The following PTPRN2 variants were observed in gnomAD, a reference collection of about 807,000 sequenced individuals.
PTPRN2 encodes receptor-type tyrosine-protein phosphatase N2.
PTPRN2 carries 74 observed loss-of-function variants against 118.8 expected under a neutral mutation model. That is an observed-to-expected ratio of 0.62 (90% CI 0.52 to 0.76). The LOEUF (loss-of-function observed/expected upper bound fraction) is 0.76. Ranked by LOEUF, PTPRN2 falls within the 30% of genes least tolerant of loss-of-function variation. The pLI is 0.00. For missense variants in PTPRN2, 1,481 were observed against 1,394.4 expected (o/e 1.06, Z -0.99); for synonymous variants, 641 against 608.0 (o/e 1.05, Z -0.80).
At chr7:157,646,080 G>A (rs1364582692) in intron 14 of PTPRN2, among the ~76,000 whole-genome samples, 1 of 152,216 alleles carries the variant, frequency 6.6e-6, no homozygotes, top group Admixed American at 6.5e-5. Flanking sequence ...CAGAACCAGG[G>A]ATCCTGCTGA....
intron 12 of PTPRN2, among the ~76,000 whole-genome samples, chr7:157,718,993 C>T (rs1799089241): frequency 8.7e-6 from 1 of 114,906 alleles, no homozygotes; most frequent in Admixed American, 8.8e-5. Context: ...CAGCCATCTT[C>T]TGGACCTCTC....
chr7:158,187,904 T>C (rs958860561), intron 5 of PTPRN2, among the ~76,000 whole-genome samples: 1 of 152,110 alleles, frequency 6.6e-6, no homozygotes, highest in Non-Finnish European at 1.5e-5. Context: ...GCCAAACTTA[T>C]CAGAAGGTGG....
intron 11 of PTPRN2, among the ~76,000 whole-genome samples, chr7:157,992,809 TAAG>T (rs928811921): frequency 4.6e-5 from 7 of 152,210 alleles, no homozygotes; most frequent in East Asian, 1.9e-4. Flanking sequence ...CGCCTAAATC[TAAG>T]AAGAAGTATG....
intron 6 of PTPRN2, among the ~76,000 whole-genome samples, chr7:158,139,839 T>C (rs1007257941): frequency 6.6e-6 from 1 of 152,180 alleles, no homozygotes; most frequent in African/African-American, 2.4e-5. Flanking sequence ...GAATGCCACA[T>C]TTGAAGGGTT....
At chr7:157,639,698 A>C (rs995517598) in intron 14 of PTPRN2, among the ~76,000 whole-genome samples, 5 of 152,250 alleles carry the variant, frequency 3.3e-5, no homozygotes, top group Non-Finnish European at 5.9e-5. Flanking sequence ...TTTGCTGCCC[A>C]TGTGGGGCCA....
At chr7:158,119,614 G>GAGAGAGAGAGAGA (rs1563460397) in intron 9 of PTPRN2, among the ~76,000 whole-genome samples, 48 of 147,092 alleles carry the variant, frequency 3.3e-4, no homozygotes, top group African/African-American at 1.2e-3. Flanking sequence ...TTTGAAAGAG[G>GAGAGAGAGAGAGA]GAGAGAGAGA....
At position 157,953,977 on chromosome 7, in the gene PTPRN2, G is replaced by T. The variant is rs9654710; in HGVS notation, c.1724-55240C>A. Reference sequence around the variant, plus strand: ...TTCCACAGAACTCTCTGGAAAGGCCGTTCCAAGAGCTTCAGGTGTTCAGGT... The same window carrying T: ...TTCCACAGAACTCTCTGGAAAGGCCTTTCCAAGAGCTTCAGGTGTTCAGGT... On this transcript the variant is annotated intron_variant, in intron 11 of 22. Transcript: ENST00000389418. This position sits in a 1 kb window ranked among gnomAD's most constrained non-coding sequence, Gnocchi z 4.6. Among the ~76,000 whole-genome samples the T allele has an allele frequency of 1.3e-5, 2 of 151,798 alleles. No homozygotes were observed. Among genetic ancestry groups the T allele is most frequent in the African/African-American group, 4.8e-5 (2 of 41,406 alleles).
intron 2 of PTPRN2, among the ~76,000 whole-genome samples, chr7:158,379,130 C>T (rs1053480458): frequency 6.6e-6 from 1 of 152,118 alleles, no homozygotes; most frequent in Non-Finnish European, 1.5e-5. Context: ...GTGGGAGAGC[C>T]CCCAGAGTGG....
chr7:157,613,939 C>A (rs1802572371), intron 15 of PTPRN2: 3 of 450,744 alleles, frequency 6.7e-6, no homozygotes, highest in Non-Finnish European at 1.4e-5. Context: ...GCCACATGGC[C>A]AGGGGCGACC....
At chr7:158,330,445 G>C (rs1259087780) in intron 2 of PTPRN2, among the ~76,000 whole-genome samples, 39 of 97,694 alleles carry the variant, frequency 4.0e-4, no homozygotes, top group African/African-American at 1.4e-3. Context: ...CATAAGAGCT[G>C]ACACCCGCAG....
intron 1 of PTPRN2, among the ~76,000 whole-genome samples, chr7:158,578,552 T>G (rs1479458660): frequency 1.4e-5 from 1 of 69,768 alleles, no homozygotes; most frequent in Non-Finnish European, 3.1e-5. Context: ...AAAAAAAAAA[T>G]CATAGATTCA....
chr7:158,420,267 C>T (rs866783962), intron 2 of PTPRN2, among the ~76,000 whole-genome samples: 7 of 152,296 alleles, frequency 4.6e-5, no homozygotes, highest in African/African-American at 1.7e-4. Flanking sequence ...TGCCCACCCG[C>T]GAAAAGGCCC....
intron 6 of PTPRN2, among the ~76,000 whole-genome samples, chr7:158,145,347 C>T (rs1272033646): frequency 6.6e-6 from 1 of 151,988 alleles, no homozygotes; most frequent in Non-Finnish European, 1.5e-5. Flanking sequence ...CAGAATACCA[C>T]GGCTTGGCAA....
chr7:158,390,340 G>A (rs924665060), intron 2 of PTPRN2, among the ~76,000 whole-genome samples: 1 of 152,220 alleles, frequency 6.6e-6, no homozygotes, highest in African/African-American at 2.4e-5. Context: ...TGCAGCGAGT[G>A]GCACTAAGTC....
intron 11 of PTPRN2, among the ~76,000 whole-genome samples, chr7:158,074,329 C>T (rs552407613): frequency 6.6e-6 from 1 of 152,286 alleles, no homozygotes; most frequent in South Asian, 2.1e-4. Flanking sequence ...CCCTCGGCAG[C>T]TTCCCAGGCA....
chr7:158,540,295 C>T (rs1396085356), intron 1 of PTPRN2, among the ~76,000 whole-genome samples: 6 of 152,182 alleles, frequency 3.9e-5, no homozygotes, highest in Admixed American at 6.5e-5. Flanking sequence ...GTCTCCTGCC[C>T]AGAAGTCACT....
At chr7:158,455,919 ACGC>A in intron 2 of PTPRN2, among the ~76,000 whole-genome samples, 4 of 146,914 alleles carry the variant, frequency 2.7e-5, no homozygotes, top group East Asian at 2.0e-4. Context: ...AACAGCATGG[ACGC>A]CATTGGCCAT....
At chr7:158,539,164 C>A (rs1164619939) in intron 1 of PTPRN2, among the ~76,000 whole-genome samples, 1 of 152,182 alleles carries the variant, frequency 6.6e-6, no homozygotes, top group East Asian at 1.9e-4. Context: ...ACTATGTCTT[C>A]AATTTCATCT....
intron 2 of PTPRN2, among the ~76,000 whole-genome samples, chr7:158,356,795 A>AAC (rs1001370330): frequency 2.0e-5 from 3 of 151,856 alleles, no homozygotes; most frequent in Non-Finnish European, 4.4e-5. Flanking sequence ...GCTAAAAAAA[A>AAC]AAAAGTAGAA....
Sources: allele counts gnomAD v4.1 joint callset (sites outside exome capture counted in the v4.1 genomes callset), GRCh38; gene constraint gnomAD v4.1.1; non-coding constraint Gnocchi (gnomAD v3.1); transcripts MANE v1.5; gene names NCBI Gene and HGNC (gene_info 2026-07-23, HGNC 2026-07-21).